NEBL: variants seen among roughly 807,000 people sequenced by gnomAD.
NEBL encodes nebulette, also known as LIM and SH3 protein 2.
A neutral mutation model predicts 140.2 loss-of-function variants in NEBL; 122 were observed. The observed-to-expected ratio is 0.87, with a 90% CI of 0.75 to 1.01. The LOEUF (loss-of-function observed/expected upper bound fraction) is 1.01. NEBL is among the 50% of genes least tolerant of loss of function. The pLI is 0.00. For synonymous variants in NEBL, 436 were observed against 398.9 expected, an observed-to-expected ratio of 1.09 and a Z score of -1.11; for missense variants, 1,365 against 1,231.3, an observed-to-expected ratio of 1.11 and a Z score of -1.62.
At chr10:21,094,375 G>T (rs537236731) in intron 2 of NEBL, among the ~76,000 whole-genome samples, 1 of 151,990 alleles carries the variant, frequency 6.6e-6, no homozygotes, top group African/African-American at 2.4e-5. Context: ...AGTGGCAGGC[G>T]CCTGTAGTCC....
intron 3 of NEBL, among the ~76,000 whole-genome samples, chr10:20,889,047 C>G (rs2131365975): frequency 6.6e-6 from 1 of 152,350 alleles, no homozygotes; most frequent in Admixed American, 6.5e-5. Flanking sequence ...TGATTTCATT[C>G]AAAATTGTTT....
intron 3 of NEBL, among the ~76,000 whole-genome samples, chr10:21,246,015 C>CT (rs1842513285): frequency 6.6e-6 from 1 of 152,180 alleles, no homozygotes; most frequent in African/African-American, 2.4e-5. Flanking sequence ...TTTTTATATA[C>CT]TTTTTTCCTT....
At position 20,894,420 on chromosome 10, in the gene NEBL, C is replaced by T. The variant is rs1389786972; in HGVS notation, c.153+2538G>A. Among the ~76,000 whole-genome samples, 7 of 151,674 alleles carry T rather than the reference C, an allele frequency of 4.6e-5. No homozygotes were observed. In the South Asian group the frequency reaches 1.5e-3, roughly 32 times the overall value. On this transcript the variant is annotated intron_variant, in intron 2 of 27. Coordinates refer to ENST00000377122, the MANE Select transcript of NEBL (RefSeq NM_006393.3). ...CCCAGGAAATTGAGACTGCAGTGAG[C>T]TGCAGTCACATGACAGAACTCCAGC...
intron 9 of NEBL, among the ~76,000 whole-genome samples, chr10:20,853,694 T>G (rs1185884091): frequency 2.6e-5 from 4 of 152,070 alleles, no homozygotes; most frequent in Admixed American, 2.6e-4. Context: ...AGGCTGAACT[T>G]ATGAAGACAG....
At chr10:20,796,139 G>A (rs573671094) in intron 26 of NEBL, among the ~76,000 whole-genome samples, 2 of 151,996 alleles carry the variant, frequency 1.3e-5, no homozygotes, top group African/African-American at 2.4e-5. Context: ...TGAGGCGGGC[G>A]GATCATTTGA....
chr10:20,939,130 T>C (rs1231291376), intron 4 of NEBL, among the ~76,000 whole-genome samples: 1 of 152,012 alleles, frequency 6.6e-6, no homozygotes, highest in Non-Finnish European at 1.5e-5. Context: ...CCAAGACACA[T>C]AACTGTCAGA....
intron 2 of NEBL, chr10:21,029,534 G>A: frequency 6.2e-7 from 1 of 1,607,540 alleles, no homozygotes; most frequent in Non-Finnish European, 8.5e-7. Flanking sequence ...GATACAGACA[G>A]GGACGATCGT....
chr10:21,170,253 CT>C (rs1344588685), intron 2 of NEBL: 5 of 151,988 alleles, frequency 3.3e-5, no homozygotes, highest in Non-Finnish European at 7.4e-5. Context: ...TGTCTCTTTC[CT>C]CCTTCCCTCC....
At chr10:20,885,359 CCGCCTTATTCAAAGT>C (rs779469287) in intron 4 of NEBL, among the ~76,000 whole-genome samples, 7 of 152,170 alleles carry the variant, frequency 4.6e-5, no homozygotes, top group Non-Finnish European at 1.0e-4. Context: ...TTTGAAGTAG[CCGCCTTATTCAAAGT>C]CTAGGTTTTT....
chr10:20,892,103 T>G (rs967279744), intron 2 of NEBL, among the ~76,000 whole-genome samples: 1 of 152,186 alleles, frequency 6.6e-6, no homozygotes, highest in African/African-American at 2.4e-5. Context: ...CCACTCCCAT[T>G]ATCTCCTATT....
At chr10:20,894,049 C>T (rs748919087) in intron 2 of NEBL, among the ~76,000 whole-genome samples, 10 of 152,168 alleles carry the variant, frequency 6.6e-5, no homozygotes, top group Non-Finnish European at 1.5e-4. Context: ...CACATCTGTA[C>T]CACTCTGCAC....
At chr10:20,960,762 A>G (rs1256351022) in intron 4 of NEBL, among the ~76,000 whole-genome samples, 3 of 152,002 alleles carry the variant, frequency 2.0e-5, no homozygotes, top group African/African-American at 4.8e-5. Context: ...TGATGACCAA[A>G]TATCAGTGAG....
At chr10:20,899,273 G>A (rs1466505896), upstream of NEBL, 1 of 478,776 alleles carries the variant, frequency 2.1e-6, no homozygotes, top group Non-Finnish European at 3.5e-6. Flanking sequence ...AGGAGTGTAG[G>A]GAGAAAATCT....
At chr10:21,155,402 A>G (rs1026640268) in intron 2 of NEBL, among the ~76,000 whole-genome samples, 5 of 152,056 alleles carry the variant, frequency 3.3e-5, no homozygotes, top group Non-Finnish European at 7.4e-5. Flanking sequence ...TTTGGTACCC[A>G]TTAACATCCC....
At chr10:20,939,535 A>G (rs1244106513) in intron 4 of NEBL, among the ~76,000 whole-genome samples, 2 of 152,260 alleles carry the variant, frequency 1.3e-5, no homozygotes, top group African/African-American at 4.8e-5. Context: ...ACTAATGAGC[A>G]AAATAACCAA....
intron 1 of NEBL, among the ~76,000 whole-genome samples, chr10:21,266,308 A>C (rs982638922): frequency 2.0e-5 from 3 of 151,802 alleles, no homozygotes; most frequent in Non-Finnish European, 2.9e-5. Context: ...TGCCCGGCTA[A>C]TTTTTGTATT....
chr10:20,809,194 T>C (rs528156133), intron 25 of NEBL, among the ~76,000 whole-genome samples: 1 of 152,272 alleles, frequency 6.6e-6, no homozygotes. Flanking sequence ...TATCTATTGT[T>C]TAACATAACT....
intron 2 of NEBL, among the ~76,000 whole-genome samples, chr10:21,069,656 A>G (rs1835726096): frequency 6.6e-6 from 1 of 152,204 alleles, no homozygotes; most frequent in African/African-American, 2.4e-5. Context: ...TTTTCTCACA[A>G]ACTGAGAAAT....
chr10:21,188,322 TC>T lies in NEBL; in HGVS notation n.349-15846del, dbSNP rs773635752. ...CACTTTTTATGGCTTATGTTCTAGT[TC>T]CCCGTGACCAGACAGCTCATATGAG... On this transcript the variant is annotated intron_variant and non_coding_transcript_variant, in intron 3 of 8. Coordinates refer to the NEBL transcript ENST00000675702. Among the ~76,000 whole-genome samples the T allele has an allele frequency of 6.2e-4, 94 of 152,134 alleles. 2 individuals are homozygous for T. Among genetic ancestry groups the T allele is most frequent in the Admixed American group, 6.0e-3 (92 of 15,278 alleles).
Sources: gnomAD v4.1 joint callset for allele counts (sites outside exome capture counted in the v4.1 genomes callset) on GRCh38, gnomAD v4.1.1 for gene constraint, MANE v1.5 for transcripts, NCBI Gene and HGNC (gene_info 2026-07-23, HGNC 2026-07-21) for gene names.